AURKAIP1: variants seen among roughly 807,000 people sequenced by gnomAD.
The protein encoded by AURKAIP1 is small ribosomal subunit protein bS22, mitochondrial.
A neutral mutation model predicts 18.4 loss-of-function variants in AURKAIP1; 20 were observed. That is an observed-to-expected ratio of 1.09 (90% confidence interval 0.77 to 1.58). The LOEUF (loss-of-function observed/expected upper bound fraction) is 1.58, where lower values mean the gene tolerates loss of function less well. AURKAIP1 is among the 40% of genes most tolerant of loss of function. The pLI is 0.00. For missense variants in AURKAIP1, 319 were observed against 270.7 expected (o/e 1.18, Z -1.25); for synonymous variants, 156 against 120.8 (o/e 1.29, Z -1.91).
chr1:1,375,080 C>G, intron 1 of AURKAIP1, 74 bp downstream of exon 1: 1 of 279,974 alleles, frequency 3.6e-6, no homozygotes, highest in Non-Finnish European at 6.8e-6. Flanking sequence ...CGGACCCTCT[C>G]GGCTGGACCC....
rs759859451 is a variant in AURKAIP1, at chr1:1,373,903, C to G, written c.499-1G>C. ...GCCTCAGGTCTTTCTCGAACTTGAT[C>G]TGCAAGACGCAGAGAGAGGGACCGC... On this transcript the variant is annotated splice_acceptor_variant, in intron 3 of 3. Coordinates refer to ENST00000338338, the MANE Select transcript of AURKAIP1 (RefSeq NM_017900.3). LOFTEE classifies it high-confidence loss of function. 1.2e-6 allele frequency: 2 copies of G among 1,609,106 alleles called. No homozygotes were observed. Among genetic ancestry groups the G allele is most frequent in the Non-Finnish European group, 1.7e-6 (2 of 1,179,990 alleles).
intron 3 of AURKAIP1, 25 bp downstream of exon 3, chr1:1,373,975 C>A (rs771369102): frequency 1.2e-6 from 2 of 1,608,440 alleles, no homozygotes; most frequent in Non-Finnish European, 1.7e-6. Context: ...TTTGCCCTCC[C>A]AGGGCCAAGC....
Position 1,373,759 on chromosome 1 carries a change from T to G in AURKAIP1, c.*42A>C, listed in dbSNP as rs775009443. 1 of 1,546,670 alleles carries G rather than the reference T, an allele frequency of 6.5e-7. No homozygotes were observed. The highest frequency in any genetic ancestry group is 8.8e-7 in the Non-Finnish European group (1 of 1,142,094). ...GCTGAGTCCTCTGAGAATTTATTAC[T>G]ACGGATCACAGCAGCAACGGGCGGG... On this transcript the variant is annotated 3_prime_UTR_variant, in exon 4 of 4. Transcript: ENST00000338338.
rs1644328360 is a variant in AURKAIP1, at chr1:1,374,480, G to A, written c.53-35C>T. 2.8e-6 allele frequency: 4 copies of A among 1,434,744 alleles called. No homozygotes were observed. The South Asian group carries it at 4.4e-5, about 16-fold the overall frequency. 88.9% of individuals were successfully genotyped at this position (1,434,744 alleles called of 1,614,324 possible). On this transcript the variant is annotated intron_variant, in intron 2 of 3. Transcript: ENST00000338338. The stretch of plus-strand genomic sequence containing the variant: ...ACCAGACGCCACGGTCACCGCTCGC[G>A]AGACCACACAGGCCCGTCGGGTTGA...
intron 1 of AURKAIP1, 122 bp from the exon 2 acceptor site, chr1:1,374,912 C>G (rs1644333929): frequency 1.5e-6 from 1 of 648,794 alleles, no homozygotes; most frequent in African/African-American, 1.9e-5. Flanking sequence ...CCACCCCAAC[C>G]CACAAGGAGG....
Position 1,373,853 on chromosome 1 carries a change from T to G in AURKAIP1, c.548A>C (p.Lys183Thr), listed in dbSNP as rs1423863705. 1.2e-6 allele frequency: 2 copies of G among 1,606,020 alleles called. No homozygotes were observed. Among genetic ancestry groups the G allele is most frequent in the African/African-American group, 1.3e-5 (1 of 74,920 alleles). Reference protein sequence around the residue: ...LRRIWLKAGLKEAPEGWQTPK... With the variant: ...LRRIWLKAGLTEAPEGWQTPK... ...GGTCTGCCAGCCTTCGGGGGCTTCC[T>G]TTAGCCCCGCCTTCAGCCAGATGCG... The change falls in exon 4 of 4, where the codon AAG becomes ACG. Residue 183 changes from lysine (K) to threonine (T), a missense_variant. Physicochemically the swap from Lys to Thr is moderately conservative, Grantham distance 78. Transcript: ENST00000338338.
In AURKAIP1 at chr1:1,373,762, G is replaced by A. The variant is rs764644165; in HGVS notation, c.*39C>T. 1.4e-5 allele frequency: 21 copies of A among 1,546,274 alleles called. No homozygotes were observed. The highest frequency in any genetic ancestry group is 5.5e-5 in the African/African-American group (4 of 72,910). On this transcript the variant is annotated 3_prime_UTR_variant, in exon 4 of 4. Coordinates refer to ENST00000338338, the MANE Select transcript of AURKAIP1 (RefSeq NM_017900.3). Reference sequence around the variant, plus strand: ...GAGTCCTCTGAGAATTTATTACTACGGATCACAGCAGCAACGGGCGGGAAG... The same window carrying A: ...GAGTCCTCTGAGAATTTATTACTACAGATCACAGCAGCAACGGGCGGGAAG...
chr1:1,374,605 A>T (rs1023215502), intron 2 of AURKAIP1, 100 bp downstream of exon 2: 192 of 1,401,722 alleles, frequency 1.4e-4, no homozygotes, highest in Middle Eastern at 1.8e-4. Context: ...GAGGGGAAAG[A>T]GTGTGTGTGT....
At position 1,373,748 on chromosome 1, in the gene AURKAIP1, G is replaced by T; in HGVS notation, c.*53C>A. On this transcript the variant is annotated 3_prime_UTR_variant, in exon 4 of 4. Transcript: ENST00000338338. ...CCGCAGGAAAGGCTGAGTCCTCTGA[G>T]AATTTATTACTACGGATCACAGCAG... 6.6e-7 allele frequency: 1 copy of T among 1,508,204 alleles called. No individual in the cohort carries two copies. The highest frequency in any genetic ancestry group is 9.0e-7 in the Non-Finnish European group (1 of 1,113,708). The allele number at this position is 1,508,204 out of a possible 1,614,324, so 93.4% of individuals were successfully genotyped here.
chr1:1,374,567 G>A (rs1267898272), intron 2 of AURKAIP1, 122 bp from the exon 3 acceptor site: 4 of 1,371,910 alleles, frequency 2.9e-6, no homozygotes, highest in Non-Finnish European at 4.0e-6. Flanking sequence ...GAACCCCTGA[G>A]GTTCCCTCTG....
In AURKAIP1 at chr1:1,374,078, G is replaced by A. The variant is rs8146; in HGVS notation, c.420C>T (p.His140=). Residue 140 remains histidine, a synonymous_variant, in exon 3 of 4, where the codon CAC becomes CAT. Transcript: ENST00000338338. ...VLKIRRRKMN[H]HKYRKLVKKT... is the part of the protein sequence containing the mutation. ...TCTTCACCAGCTTCCGGTACTTGTGGTGGTTCATCTTCCGCCGGCGGATCT... is the reference window on the plus strand; with the variant it reads ...TCTTCACCAGCTTCCGGTACTTGTGATGGTTCATCTTCCGCCGGCGGATCT... The A allele has an allele frequency of 5.4e-3, 8,736 of 1,610,496 alleles. 413 individuals carry two copies. In the African/African-American group the frequency reaches 0.1, roughly 19 times the overall value.
Position 1,374,227 on chromosome 1 carries a change from T to G in AURKAIP1, c.271A>C (p.Thr91Pro). 6.2e-7 allele frequency: 1 copy of G among 1,612,656 alleles called. No homozygotes were observed. Among genetic ancestry groups the G allele is most frequent in the Non-Finnish European group, 8.5e-7 (1 of 1,179,954 alleles). ...RCFLPRLDTG[T>P]AGTVAPPQSY... ...TGCGGTGGAGCCACAGTCCCTGCGG[T>G]CCCGGTATCCAGTCTGGGCAGGAAG... Residue 91 changes from threonine (T) to proline (P), a missense_variant, in exon 3 of 4, where the codon ACC becomes CCC. Physicochemically the swap from Thr to Pro is conservative, Grantham distance 38. Coordinates refer to ENST00000338338, the MANE Select transcript of AURKAIP1 (RefSeq NM_017900.3).
At chr1:1,374,615 T>G (rs2100216391) in intron 2 of AURKAIP1, 90 bp downstream of exon 2, 1 of 1,434,016 alleles carries the variant, frequency 7.0e-7, no homozygotes, top group Middle Eastern at 1.7e-4. Context: ...AGTGTGTGTG[T>G]GGCCACCGGC....
chr1:1,374,845 C>A, intron 1 of AURKAIP1, 55 bp from the exon 2 acceptor site: 1 of 1,289,834 alleles, frequency 7.8e-7, no homozygotes, highest in Admixed American at 2.4e-5. Flanking sequence ...TAGTCGCGGG[C>A]GGGCCGGGAC....
At position 1,375,184 on chromosome 1, in the gene AURKAIP1, GC is replaced by G. The variant is rs1268925654; in HGVS notation, c.-66del. On this transcript the variant is annotated 5_prime_UTR_variant, in exon 1 of 4. Transcript: ENST00000338338. The stretch of plus-strand genomic sequence containing the variant: ...CGCGGCTCAAATTGACCGTTCTGCG[GC>G]CGCCCTCGGGCACTTCCGGTCCGTC... 1.2e-5 allele frequency: 2 copies of G among 164,654 alleles called. No individual in the cohort carries two copies. The highest frequency in any genetic ancestry group is 1.3e-4 in the Admixed American group (2 of 15,360). The allele number at this position is 164,654 out of a possible 1,614,324, so 10.2% of individuals were successfully genotyped here.
rs1288771537 is a variant in AURKAIP1, at chr1:1,374,459, G to A, written c.53-14C>T. 1 of 1,442,060 alleles carries A rather than the reference G, an allele frequency of 6.9e-7. No homozygotes were observed. The highest frequency in any genetic ancestry group is 9.1e-7 in the Non-Finnish European group (1 of 1,102,132). 89.3% of individuals were successfully genotyped at this position (1,442,060 alleles called of 1,614,324 possible). On this transcript the variant is annotated splice_polypyrimidine_tract_variant and intron_variant, in intron 2 of 3. Transcript: ENST00000338338. ...GCGGGCGGCCGCCTGCAGAAAACCA[G>A]ACGCCACGGTCACCGCTCGCGAGAC...
chr1:1,374,550 C>A, intron 2 of AURKAIP1, 105 bp from the exon 3 acceptor site: 1 of 1,362,860 alleles, frequency 7.3e-7, no homozygotes, highest in Non-Finnish European at 1.0e-6. Context: ...CACCTCATTC[C>A]TGGCCTGAAC....
rs1644326748 is a variant in AURKAIP1 at position 1,374,376 on chromosome 1, G to A, written c.122C>T (p.Ser41Leu). Residue 41 changes from serine (S) to leucine (L), a missense_variant, in exon 3 of 4, where the codon TCG (serine) becomes TTG (leucine). Ser to Leu is a moderately radical substitution (Grantham distance 145). Transcript: ENST00000338338. ...SRVCGPLYST[S>L]PAGPGRAASL... Reference sequence around the variant, plus strand: ...GGCCGCCCTACCTGGGCCGGCCGGCGATGTGCTGTAAAGGGGCCCGCAGAC... The same window carrying A: ...GGCCGCCCTACCTGGGCCGGCCGGCAATGTGCTGTAAAGGGGCCCGCAGAC... 1 of 1,510,858 alleles carries A rather than the reference G, an allele frequency of 6.6e-7. No homozygotes were observed. The highest frequency in any genetic ancestry group is 1.3e-5 in the South Asian group (1 of 77,960). 93.6% of individuals were successfully genotyped at this position (1,510,858 alleles called of 1,614,324 possible).
intron 2 of AURKAIP1, 79 bp downstream of exon 2, chr1:1,374,626 C>T (rs1644330265): frequency 1.4e-6 from 2 of 1,479,646 alleles, no homozygotes; most frequent in South Asian, 1.2e-5. Flanking sequence ...GGCCACCGGC[C>T]CTGCCCCAGC....
Sources: allele counts gnomAD v4.1 joint callset, GRCh38; gene constraint gnomAD v4.1.1; transcripts MANE v1.5; gene names NCBI Gene and HGNC (gene_info 2026-07-23, HGNC 2026-07-21).